PIF1: variants seen among roughly 807,000 people sequenced by gnomAD.
PIF1 encodes the protein ATP-dependent DNA helicase PIF1.
PIF1 carries 67 observed loss-of-function variants against 62.3 expected under a neutral mutation model. The observed-to-expected ratio is 1.08, with a 90% CI of 0.88 to 1.32. The LOEUF (loss-of-function observed/expected upper bound fraction) is 1.32. Ranked by LOEUF, PIF1 falls within the 40% of genes most tolerant of loss-of-function variation. The pLI, the probability that PIF1 is intolerant of heterozygous loss-of-function variation, is 0.00. For synonymous variants in PIF1, 364 were observed against 379.5 expected (o/e 0.96, Z 0.47); for missense variants, 886 against 866.1 (o/e 1.02, Z -0.29).
intron 1 of PIF1, among the ~76,000 whole-genome samples, chr15:64,825,312 T>G (rs911189443): frequency 1.8e-4 from 28 of 152,152 alleles, no homozygotes; most frequent in African/African-American, 6.5e-4. Context: ...CTCTTCCCCG[T>G]GTACAGACGT....
Position 64,816,623 on chromosome 15 carries a change from C to A in PIF1, c.1817G>T (p.Arg606Leu), listed in dbSNP as rs773939962. 6.2e-7 allele frequency: 1 copy of A among 1,613,922 alleles called. No homozygotes were observed. Among genetic ancestry groups the A allele is most frequent in the Non-Finnish European group, 8.5e-7 (1 of 1,180,020 alleles). Residue 606 changes from arginine (R) to leucine (L), a missense_variant, in exon 12 of 13, where the codon CGT becomes CTT. Transcript: ENST00000559239. ...CAGGGTGGCATAGAAGTGCAGCACA[C>A]GGGGGTCACAGCGAACCGCCATGGG... ...FDPMAVRCDP[R>L]VLHFYATLRR...
Position 64,816,561 on chromosome 15 carries a change from G to A in PIF1, c.1866+13C>T, listed in dbSNP as rs1567082571. ...CCGTGGCCACAGCCCACCACTGGAT[G>A]ACTCCCTCTTACCAGACTGAGGCTC... On this transcript the variant is annotated intron_variant, in intron 12 of 12. Coordinates refer to ENST00000559239, the MANE Select transcript of PIF1 (RefSeq NM_001286496.2). The A allele has an allele frequency of 6.2e-7, 1 of 1,612,158 alleles. No individual in the cohort carries two copies. Among genetic ancestry groups the A allele is most frequent in the Non-Finnish European group, 8.5e-7 (1 of 1,179,470 alleles).
At chr15:64,825,412 C>T (rs1246502965) in intron 1 of PIF1, among the ~76,000 whole-genome samples, 157 bp downstream of exon 1, 2 of 152,130 alleles carry the variant, frequency 1.3e-5, no homozygotes, top group Non-Finnish European at 2.9e-5. Flanking sequence ...TGCCCTCGCG[C>T]TTCCCACCAC....
chr15:64,826,621 A>AATTT (rs2084369921), upstream of PIF1, among the ~76,000 whole-genome samples: 1 of 32,860 alleles, frequency 3.0e-5, no homozygotes, highest in Non-Finnish European at 6.1e-5. Context: ...ACACCCAGCT[A>AATTT]ATTTATATAT....
At chr15:64,824,632 A>C (rs2084341506) in intron 1 of PIF1, among the ~76,000 whole-genome samples, 8 of 151,670 alleles carry the variant, frequency 5.3e-5, no homozygotes. Flanking sequence ...GATCACCTGA[A>C]GTTAGGAGTT....
chr15:64,826,293 T>C (rs572977891), upstream of PIF1, among the ~76,000 whole-genome samples: 1 of 152,244 alleles, frequency 6.6e-6, no homozygotes, highest in East Asian at 1.9e-4. Flanking sequence ...TTGCACAGGA[T>C]GCTGAAAGAA....
At chr15:64,816,419 G>A in intron 12 of PIF1, 62 bp from the exon 13 acceptor site, 1 of 1,609,708 alleles carries the variant, frequency 6.2e-7, no homozygotes, top group Non-Finnish European at 8.5e-7. Flanking sequence ...CCATAACCTG[G>A]GGGCCAGCAT....
Position 64,816,353 on chromosome 15 carries a change from G to C in PIF1, c.1871C>G (p.Ser624Cys), listed in dbSNP as rs1271419630. The stretch of plus-strand genomic sequence containing the variant: ...TGAGGCTGCCTCATCATCATCTGGG[G>C]ACTCCTGGATCAGAGCCAGAGAAGC... ...LRRGRSLSLESPDDDEAASDQ... is the reference protein window; with the variant it reads ...LRRGRSLSLECPDDDEAASDQ... Residue 624 changes from serine to cysteine, a missense_variant, in exon 13 of 13, where the codon TCC (serine) becomes TGC (cysteine). Physicochemically the swap from Ser to Cys is moderately radical, Grantham distance 112. Coordinates refer to ENST00000559239, the MANE Select transcript of PIF1 (RefSeq NM_001286496.2). 4 of 1,613,898 alleles carry C rather than the reference G, an allele frequency of 2.5e-6. No homozygotes were observed. The highest frequency in any genetic ancestry group is 3.4e-6 in the Non-Finnish European group (4 of 1,180,006).
At chr15:64,817,887 T>C (rs1239882560) in intron 11 of PIF1, 59 bp downstream of exon 11, 16 of 1,549,634 alleles carry the variant, frequency 1.0e-5, no homozygotes, top group Non-Finnish European at 1.3e-5. Flanking sequence ...ACACATAGAC[T>C]GCAACATGCC....
intron 2 of PIF1, 179 bp downstream of exon 2, chr15:64,823,593 ACTCCAT>A (rs1048992492): frequency 2.6e-4 from 111 of 419,336 alleles, no homozygotes; most frequent in Non-Finnish European, 3.9e-4. Flanking sequence ...GTTTTGATTT[ACTCCAT>A]CTCAGGGATT....
At position 64,816,029 on chromosome 15, in the gene PIF1, C is replaced by T; in HGVS notation, c.*269G>A. On this transcript the variant is annotated 3_prime_UTR_variant, in exon 13 of 13. Coordinates refer to ENST00000559239, the MANE Select transcript of PIF1 (RefSeq NM_001286496.2). ...CTTTGTCCTCTGACATCAGCTACCA[C>T]ACAGGCTCATTCTCAACTGGCACAG... 1 of 1,475,852 alleles carries T rather than the reference C, an allele frequency of 6.8e-7. No homozygotes were observed. Among genetic ancestry groups the T allele is most frequent in the Non-Finnish European group, 9.0e-7 (1 of 1,115,068 alleles). The allele number at this position is 1,475,852 out of a possible 1,614,324, so 91.4% of individuals were successfully genotyped here. A position where few individuals can be genotyped will look rare whatever the true frequency, so the allele number is the denominator to read the frequency against.
intron 1 of PIF1, among the ~76,000 whole-genome samples, chr15:64,824,955 CTA>C (rs961823004): frequency 4.0e-5 from 6 of 149,724 alleles, no homozygotes; most frequent in Admixed American, 6.7e-5. Context: ...TATCCAATTT[CTA>C]TATATATATA....
Position 64,823,843 on chromosome 15 carries a change from G to A in PIF1, c.493C>T (p.Arg165Trp). 7.2e-7 allele frequency: 1 copy of A among 1,379,582 alleles called. No homozygotes were observed. Among genetic ancestry groups the A allele is most frequent in the Non-Finnish European group, 9.5e-7 (1 of 1,055,874 alleles). The allele number at this position is 1,379,582 out of a possible 1,614,324, so 85.5% of individuals were successfully genotyped here. A position where few individuals can be genotyped will look rare whatever the true frequency, so the allele number is the denominator to read the frequency against. Residue 165 changes from arginine to tryptophan, a missense_variant, in exon 2 of 13, where the codon CGG becomes TGG. Coordinates refer to ENST00000559239, the MANE Select transcript of PIF1 (RefSeq NM_001286496.2). The part of the protein sequence containing the change: ...PEERRLRAAT[R>W]VPDTTLVKRP... Reference sequence around the variant, plus strand: ...TTCACCAGCGTAGTGTCCGGAACCCGGGTGGCCGCCCTGAGCCGCCGCTCC... The same window carrying A: ...TTCACCAGCGTAGTGTCCGGAACCCAGGTGGCCGCCCTGAGCCGCCGCTCC...
In PIF1 at chr15:64,821,292, G is replaced by A. The variant is rs1278908524; in HGVS notation, c.972-11C>T. 1.9e-6 allele frequency: 3 copies of A among 1,614,182 alleles called. No homozygotes were observed. The South Asian group carries it at 3.3e-5, about 18-fold the overall frequency. The stretch of plus-strand genomic sequence containing the variant: ...TGCTGCCGGACAGCTCTGGAGAGGA[G>A]CGTGGGGTGCTTTAGGGGCACACAG... On this transcript the variant is annotated splice_polypyrimidine_tract_variant and intron_variant, in intron 5 of 12. Transcript: ENST00000559239.
At chr15:64,824,989 CTA>C (rs150850791) in intron 1 of PIF1, among the ~76,000 whole-genome samples, 1,734 of 139,392 alleles carry the variant, frequency 0.012, 14 homozygotes, top group East Asian at 0.02. Context: ...TATACAATTT[CTA>C]TATATATACA....
In PIF1 at chr15:64,822,376, T is replaced by TA. The variant is rs1184978702; in HGVS notation, c.706dup (p.Tyr236LeufsTer71). 3.1e-6 allele frequency: 5 copies of TA among 1,613,968 alleles called. No individual in the cohort carries two copies. Among genetic ancestry groups the TA allele is most frequent in the African/African-American group, 1.3e-5 (1 of 74,916 alleles). On this transcript the variant is annotated frameshift_variant, in exon 4 of 13. Transcript: ENST00000559239. LOFTEE classifies it high-confidence loss of function. ...TGAGCCCAGGATTCGCTTTAGCAGA[T>TA]ATGACTTCCCTGTTCCTGGACAGGG...
At position 64,819,924 on chromosome 15, in the gene PIF1, C is replaced by A; in HGVS notation, c.1256G>T (p.Gly419Val). 1 of 1,614,180 alleles carries A rather than the reference C, an allele frequency of 6.2e-7. No homozygotes were observed. Among genetic ancestry groups the A allele is most frequent in the African/African-American group, 1.3e-5 (1 of 75,058 alleles). The change falls in exon 8 of 13, where the codon GGG (glycine) becomes GTG (valine). Residue 419 changes from glycine to valine, a missense_variant. Coordinates refer to ENST00000559239, the MANE Select transcript of PIF1 (RefSeq NM_001286496.2). ...GGTGCAGAGCCTCGTGGCCACAATCCCATCTCGCCCCACCTTGTGGGAAGC... is the reference window on the plus strand; with the variant it reads ...GGTGCAGAGCCTCGTGGCCACAATCACATCTCGCCCCACCTTGTGGGAAGC... ...ATASHKVGRDGIVATRLCTHQ... is the reference protein window; with the variant it reads ...ATASHKVGRDVIVATRLCTHQ...
chr15:64,819,030 G>T, intron 9 of PIF1, 87 bp downstream of exon 9: 1 of 969,542 alleles, frequency 1.0e-6, no homozygotes, highest in Non-Finnish European at 1.5e-6. Context: ...ACTGGCTGCA[G>T]AGTGGCCTGG....
rs113634652 is a variant in PIF1, at chr15:64,818,077, G to C, written c.1543C>G (p.Arg515Gly). ...ACCTCAGTGACTCCACACAGGAACC[G>C]CACCTGGGGTAGCCCTAAGGAGAGC... ...EAEGRGLPQV[R>G]FLCGVTEVIH... Residue 515 changes from arginine to glycine, a missense_variant, in exon 11 of 13, where the codon CGG (arginine) becomes GGG (glycine). Physicochemically the swap from Arg to Gly is moderately radical, Grantham distance 125. Transcript: ENST00000559239. The C allele has an allele frequency of 1.9e-5, 30 of 1,613,768 alleles. No homozygotes were observed. Among genetic ancestry groups the C allele is most frequent in the Non-Finnish European group, 2.3e-5 (27 of 1,179,936 alleles).
Sources: allele counts gnomAD v4.1 joint callset (sites outside exome capture counted in the v4.1 genomes callset), GRCh38; gene constraint gnomAD v4.1.1; transcripts MANE v1.5; gene names NCBI Gene and HGNC (gene_info 2026-07-23, HGNC 2026-07-21).